The following SLC22A9 variants were observed in gnomAD, a reference collection of about 807,000 sequenced individuals.
SLC22A9 encodes the protein solute carrier family 22 member 9.
SLC22A9 carries 64 observed loss-of-function variants against 50.1 expected under a neutral mutation model. The ratio of observed to expected loss-of-function variants is 1.28; its 90% CI spans 1.04 to 1.57. The LOEUF (loss-of-function observed/expected upper bound fraction) is 1.57, where lower values mean the gene tolerates loss of function less well. Ranked by LOEUF, SLC22A9 falls within the 40% of genes most tolerant of loss-of-function variation. SLC22A9 has a pLI of 0.00. For synonymous variants in SLC22A9, 261 were observed against 242.5 expected (o/e 1.08, Z -0.71); for missense variants, 757 against 676.1 (o/e 1.12, Z -1.33).
chr11:63,388,852 AT>A (rs1330915870), intron 6 of SLC22A9, among the ~76,000 whole-genome samples: 1 of 151,884 alleles, frequency 6.6e-6, no homozygotes, highest in African/African-American at 2.4e-5. Flanking sequence ...TGATCCCATT[AT>A]TTTTTATTAC....
At chr11:63,403,449 T>C (rs936064285) in intron 6 of SLC22A9, among the ~76,000 whole-genome samples, 1 of 152,070 alleles carries the variant, frequency 6.6e-6, no homozygotes, top group Non-Finnish European at 1.5e-5. Context: ...GCACCCCACC[T>C]CCATTATTAT....
At chr11:63,386,734 C>T (rs1253255184) in intron 6 of SLC22A9, among the ~76,000 whole-genome samples, 1 of 151,676 alleles carries the variant, frequency 6.6e-6, no homozygotes, top group South Asian at 2.1e-4. Context: ...ATTAGTCTAG[C>T]TAGCAGTCTA....
chr11:63,382,089 G>T, intron 5 of SLC22A9, 70 bp from the exon 6 acceptor site: 3 of 1,118,392 alleles, frequency 2.7e-6, no homozygotes, highest in South Asian at 3.0e-5. Flanking sequence ...TCTGTGGGTT[G>T]ACCAGTGCGC....
chr11:63,393,124 G>A (rs1008536643), intron 6 of SLC22A9, among the ~76,000 whole-genome samples: 1 of 152,104 alleles, frequency 6.6e-6, no homozygotes, highest in Non-Finnish European at 1.5e-5. Context: ...CATTAACATG[G>A]GATGTGTTTC....
chr11:63,402,753 C>A (rs1348011362), intron 6 of SLC22A9, among the ~76,000 whole-genome samples: 1 of 152,074 alleles, frequency 6.6e-6, no homozygotes, highest in Non-Finnish European at 1.5e-5. Flanking sequence ...GAACACTAAT[C>A]TGACATTAAA....
At chr11:63,403,344 A>G (rs1442974932) in intron 6 of SLC22A9, among the ~76,000 whole-genome samples, 2 of 152,088 alleles carry the variant, frequency 1.3e-5, no homozygotes, top group East Asian at 1.9e-4. Context: ...ATGAAAAAAT[A>G]AAAGGCTAAC....
intron 6 of SLC22A9, among the ~76,000 whole-genome samples, chr11:63,385,584 G>A (rs1199059853): frequency 6.6e-6 from 1 of 151,850 alleles, no homozygotes; most frequent in South Asian, 2.1e-4. Context: ...TCATGATTTG[G>A]CTATCTGCTT....
At chr11:63,371,878 C>A (rs1030695867) in intron 2 of SLC22A9, among the ~76,000 whole-genome samples, 2 of 152,120 alleles carry the variant, frequency 1.3e-5, no homozygotes, top group Non-Finnish European at 2.9e-5. Flanking sequence ...TGGCAGGGAA[C>A]AATTACCTTC....
At chr11:63,374,331 A>T (rs909562338) in intron 4 of SLC22A9, among the ~76,000 whole-genome samples, 21 of 152,164 alleles carry the variant, frequency 1.4e-4, no homozygotes, top group African/African-American at 5.1e-4. Context: ...TTTACTCAAG[A>T]TCATTTATTG....
rs1005004591 is a variant in SLC22A9, at chr11:63,409,960, G to T, written c.*98G>T. The T allele has an allele frequency of 2.1e-5, 29 of 1,391,138 alleles. No individual in the cohort carries two copies. In the African/African-American group the frequency reaches 3.2e-4, roughly 15 times the overall value. The allele number at this position is 1,391,138 out of a possible 1,614,324, so 86.2% of individuals were successfully genotyped here. On this transcript the variant is annotated 3_prime_UTR_variant, in exon 10 of 10. Transcript: ENST00000279178. ...CAAAATCTAGAAAATAAATAACAAGGCTGGGTGCGGTGGCTCACGCCTGTA... is the reference window on the plus strand; with the variant it reads ...CAAAATCTAGAAAATAAATAACAAGTCTGGGTGCGGTGGCTCACGCCTGTA...
At chr11:63,383,166 A>G (rs1214405059) in intron 6 of SLC22A9, among the ~76,000 whole-genome samples, 3 of 152,118 alleles carry the variant, frequency 2.0e-5, no homozygotes, top group Non-Finnish European at 4.4e-5. Context: ...TAAGATGGGC[A>G]ATTTTAGGTT....
chr11:63,395,382 C>G (rs771363014), intron 6 of SLC22A9, among the ~76,000 whole-genome samples: 1 of 152,072 alleles, frequency 6.6e-6, no homozygotes, highest in Non-Finnish European at 1.5e-5. Context: ...GGGCTAAAGG[C>G]TGTTGTTCAG....
chr11:63,401,582 C>CT (rs2014952762), intron 6 of SLC22A9, among the ~76,000 whole-genome samples: 1 of 152,086 alleles, frequency 6.6e-6, no homozygotes, highest in African/African-American at 2.4e-5. Context: ...AATGCAATCT[C>CT]TATCAAAATA....
chr11:63,378,416 T>C (rs2014502171), intron 5 of SLC22A9, among the ~76,000 whole-genome samples: 1 of 151,892 alleles, frequency 6.6e-6, no homozygotes, highest in South Asian at 2.1e-4. Context: ...CAAGCCAAGA[T>C]CATACTGAAT....
At chr11:63,372,468 C>T (rs1457455889) in intron 2 of SLC22A9, among the ~76,000 whole-genome samples, 1 of 151,874 alleles carries the variant, frequency 6.6e-6, no homozygotes, top group Non-Finnish European at 1.5e-5. Flanking sequence ...TACCACAAGA[C>T]CAACAAAAAG....
intron 8 of SLC22A9, 96 bp from the exon 9 acceptor site, chr11:63,408,580 C>A: frequency 9.0e-7 from 1 of 1,112,124 alleles, no homozygotes; most frequent in Non-Finnish European, 1.3e-6. Flanking sequence ...CTCTGTGTGT[C>A]TAAATGTTCC....
In SLC22A9 at chr11:63,403,723, G is replaced by A. The variant is rs1276088495; in HGVS notation, c.1074-2774G>A. 2.0e-5 allele frequency among the ~76,000 whole-genome samples: 3 copies of A among 151,908 alleles called. No individual in the cohort carries two copies. The East Asian group carries it at 5.8e-4, about 29-fold the overall frequency. ...AAAAGAGATAAAAAGGTAAGAAAAGGAGATAAAATATGAAGTGTTTTATGG... is the reference window on the plus strand; with the variant it reads ...AAAAGAGATAAAAAGGTAAGAAAAGAAGATAAAATATGAAGTGTTTTATGG... On this transcript the variant is annotated intron_variant, in intron 6 of 9. Coordinates refer to ENST00000279178, the MANE Select transcript of SLC22A9 (RefSeq NM_080866.3).
At chr11:63,407,276 A>T (rs1038359043) in intron 7 of SLC22A9, among the ~76,000 whole-genome samples, 2 of 152,304 alleles carry the variant, frequency 1.3e-5, no homozygotes, top group South Asian at 4.1e-4. Flanking sequence ...AAATGAAGAA[A>T]TTGTCAGTTA....
intron 6 of SLC22A9, among the ~76,000 whole-genome samples, chr11:63,405,670 T>C (rs1015261517): frequency 2.0e-5 from 3 of 152,176 alleles, no homozygotes; most frequent in Non-Finnish European, 2.9e-5. Context: ...TTTCTGATTG[T>C]AATGGAGGTA....
Sources: allele counts gnomAD v4.1 joint callset (sites outside exome capture counted in the v4.1 genomes callset), GRCh38; gene constraint gnomAD v4.1.1; transcripts MANE v1.5; gene names NCBI Gene and HGNC (gene_info 2026-07-23, HGNC 2026-07-21).